The following SPDL1 variants were observed in gnomAD, a reference collection of about 807,000 sequenced individuals.
SPDL1 encodes the protein spindle apparatus coiled-coil protein 1, also known as protein Spindly.
SPDL1 carries 85 observed loss-of-function variants against 79.5 expected under a neutral mutation model. The observed-to-expected ratio is 1.07, with a 90% confidence interval of 0.90 to 1.28. The LOEUF is 1.28. Ranked by LOEUF, SPDL1 falls within the 50% of genes most tolerant of loss-of-function variation. The pLI, the probability that SPDL1 is intolerant of heterozygous loss-of-function variation, is 0.00. For synonymous variants in SPDL1, 269 were observed against 240.3 expected (o/e 1.12, Z -1.10); for missense variants, 703 against 697.8 (o/e 1.01, Z -0.08).
At chr5:169,590,727 G>GCTGTTAAA (rs1388926477) in intron 2 of SPDL1, 4 of 467,476 alleles carry the variant, frequency 8.6e-6, no homozygotes, top group African/African-American at 7.9e-5. Context: ...AAGCTTAAGT[G>GCTGTTAAA]CTGTTAAATC....
At position 169,601,514 on chromosome 5, in the gene SPDL1, T is replaced by C; in HGVS notation, c.1559T>C (p.Leu520Pro). Residue 520 changes from leucine (L) to proline (P), a missense_variant, in exon 11 of 12, where the codon CTG (leucine) becomes CCG (proline). By Grantham distance (98) the Leu-to-Pro change is moderately conservative. Coordinates refer to ENST00000265295, the MANE Select transcript of SPDL1 (RefSeq NM_017785.5). ...GTCAGTCTCTCTCCTCACAAAAATCTGCCCGTGGATATGCAGCTGAAGAAG... is the reference window on the plus strand; with the variant it reads ...GTCAGTCTCTCTCCTCACAAAAATCCGCCCGTGGATATGCAGCTGAAGAAG... ...PVVSLSPHKN[L>P]PVDMQLKKEK... 1 of 1,614,198 alleles carries C rather than the reference T, an allele frequency of 6.2e-7. No individual in the cohort carries two copies. The highest frequency in any genetic ancestry group is 8.5e-7 in the Non-Finnish European group (1 of 1,180,038).
chr5:169,604,717 T>C lies in SPDL1; in HGVS notation c.*510T>C, dbSNP rs1418287521. ...AAGAACCAATGTTCATCTTTGTATT[T>C]ATATACATGATTTAAATTTTGTCTA... On this transcript the variant is annotated 3_prime_UTR_variant, in exon 12 of 12. Coordinates refer to ENST00000265295, the MANE Select transcript of SPDL1 (RefSeq NM_017785.5). 6.6e-6 allele frequency: 1 copy of C among 152,218 alleles called. No individual in the cohort carries two copies. The highest frequency in any genetic ancestry group is 1.5e-5 in the Non-Finnish European group (1 of 68,036). 9.4% of individuals were successfully genotyped at this position (152,218 alleles called of 1,614,324 possible). A position where few individuals can be genotyped will look rare whatever the true frequency, so the allele number is the denominator to read the frequency against.
chr5:169,603,225 C>CT (rs1399735043), intron 11 of SPDL1, among the ~76,000 whole-genome samples: 1 of 151,962 alleles, frequency 6.6e-6, no homozygotes, highest in Non-Finnish European at 1.5e-5. Flanking sequence ...ATAAATATGG[C>CT]TTTTATTGGG....
Position 169,600,554 on chromosome 5 carries a change from A to C in SPDL1, c.1325-726A>C, listed in dbSNP as rs1755825895. Reference sequence around the variant, plus strand: ...ACTCCACTAACATTTTGATTTTGAAAATGAAACACATCGATAATGGGCATA... The same window carrying C: ...ACTCCACTAACATTTTGATTTTGAACATGAAACACATCGATAATGGGCATA... On this transcript the variant is annotated intron_variant, in intron 10 of 11. Transcript: ENST00000265295. Among the ~76,000 whole-genome samples, 3 of 152,216 alleles carry C rather than the reference A, an allele frequency of 2.0e-5. No individual in the cohort carries two copies. The South Asian group carries it at 6.2e-4, about 31-fold the overall frequency.
At position 169,591,775 on chromosome 5, in the gene SPDL1, A is replaced by T. The variant is rs1425873117; in HGVS notation, c.336+551A>T. 2.0e-5 allele frequency among the ~76,000 whole-genome samples: 3 copies of T among 152,364 alleles called. No homozygotes were observed. The East Asian group carries it at 5.8e-4, about 29-fold the overall frequency. On this transcript the variant is annotated intron_variant, in intron 3 of 11. Transcript: ENST00000265295. ...TGAGTAAATTGGACACAATTCAAGA[A>T]CTAGAAATTCTCCATCTAGGTTTGA...
At chr5:169,593,662 C>T (rs1358747918) in intron 4 of SPDL1, 114 bp downstream of exon 4, 2 of 1,049,150 alleles carry the variant, frequency 1.9e-6, no homozygotes, top group Non-Finnish European at 2.7e-6. Flanking sequence ...CATTTTTTGA[C>T]CTAACTTGCA....
intron 10 of SPDL1, among the ~76,000 whole-genome samples, 177 bp from the exon 11 acceptor site, chr5:169,601,103 A>G (rs987095999): frequency 2.0e-5 from 3 of 152,242 alleles, no homozygotes; most frequent in African/African-American, 7.2e-5. Context: ...TATATAGTTT[A>G]TATAGATTCC....
chr5:169,586,002 C>T (rs938527991), intron 1 of SPDL1: 7 of 152,340 alleles, frequency 4.6e-5, no homozygotes, highest in Non-Finnish European at 8.8e-5. Flanking sequence ...TTTTTCTTCT[C>T]TCCTGGATTT....
intron 11 of SPDL1, among the ~76,000 whole-genome samples, 163 bp from the exon 12 acceptor site, chr5:169,603,897 C>T (rs1756058063): frequency 6.6e-6 from 1 of 152,084 alleles, no homozygotes; most frequent in Non-Finnish European, 1.5e-5. Context: ...TATAAAAAGA[C>T]TTTTAGACAG....
At chr5:169,587,832 T>C (rs1360431392) in intron 1 of SPDL1, among the ~76,000 whole-genome samples, 1 of 152,202 alleles carries the variant, frequency 6.6e-6, no homozygotes. Context: ...TTTTCCTTCC[T>C]TAGCCTCCCA....
chr5:169,590,647 A>G (rs1338945653), intron 2 of SPDL1: 4 of 440,588 alleles, frequency 9.1e-6, no homozygotes, highest in Admixed American at 7.6e-5. Flanking sequence ...TTCAACTATT[A>G]TTACTACTAC....
intron 2 of SPDL1, among the ~76,000 whole-genome samples, chr5:169,590,165 A>T (rs1297658709): frequency 6.6e-6 from 1 of 152,248 alleles, no homozygotes; most frequent in East Asian, 1.9e-4. Context: ...TAACATATTT[A>T]AACTTGAATC....
intron 11 of SPDL1, 43 bp downstream of exon 11, chr5:169,601,668 A>C: frequency 6.6e-7 from 1 of 1,511,320 alleles, no homozygotes; most frequent in Non-Finnish European, 9.2e-7. Context: ...AGACCTCTCC[A>C]TCTCTCCTCT....
intron 1 of SPDL1, chr5:169,586,508 C>T (rs1209955220): frequency 6.6e-6 from 1 of 152,216 alleles, no homozygotes; most frequent in Non-Finnish European, 1.5e-5. Context: ...AGCCAAGATT[C>T]CTCTTCTCAT....
At chr5:169,603,050 C>T (rs1048799901) in intron 11 of SPDL1, among the ~76,000 whole-genome samples, 4 of 151,962 alleles carry the variant, frequency 2.6e-5, no homozygotes, top group Non-Finnish European at 2.9e-5. Flanking sequence ...TCAAGTAGCA[C>T]GTTGGAAACT....
intron 1 of SPDL1, 34 bp from the exon 2 acceptor site, chr5:169,588,360 T>C: frequency 6.9e-7 from 1 of 1,451,250 alleles, no homozygotes; most frequent in Non-Finnish European, 9.3e-7. Flanking sequence ...GTTTTTTGTA[T>C]AAGCTTAAGT....
intron 10 of SPDL1, 32 bp downstream of exon 10, chr5:169,599,191 A>G: frequency 7.9e-7 from 1 of 1,264,006 alleles, no homozygotes. Flanking sequence ...TTGTCTTTTA[A>G]ATTATGAGTA....
chr5:169,594,803 C>A (rs1016476763), intron 7 of SPDL1, 122 bp downstream of exon 7: 30 of 570,420 alleles, frequency 5.3e-5, no homozygotes, highest in Admixed American at 4.6e-4. Flanking sequence ...GTTTCTAGAA[C>A]TGCATGATTT....
In SPDL1 at chr5:169,601,333, A is replaced by G. The variant is rs1215417382; in HGVS notation, c.1378A>G (p.Ile460Val). The change falls in exon 11 of 12, where the codon ATA becomes GTA. Residue 460 changes from isoleucine to valine, a missense_variant. Physicochemically the swap from Ile to Val is conservative, Grantham distance 29 (BLOSUM62 3). Transcript: ENST00000265295. ...KKRREVLPVD[I>V]TTAKDACVNN... The stretch of plus-strand genomic sequence containing the variant: ...GAGGCGTGAGGTGCTCCCTGTGGAT[A>G]TAACCACCGCTAAAGATGCATGTGT... The G allele has an allele frequency of 8.1e-6, 13 of 1,613,766 alleles. No individual in the cohort carries two copies. The highest frequency in any genetic ancestry group is 1.0e-5 in the Non-Finnish European group (12 of 1,179,994).
Sources: gnomAD v4.1 joint callset for allele counts (sites outside exome capture counted in the v4.1 genomes callset) on GRCh38, gnomAD v4.1.1 for gene constraint, MANE v1.5 for transcripts, NCBI Gene and HGNC (gene_info 2026-07-23, HGNC 2026-07-21) for gene names.